Variants in FOXO3 observed in about 807,000 individuals in gnomAD.
The protein encoded by FOXO3 is forkhead box O3.
Under a neutral mutation model 41.9 loss-of-function variants are expected in FOXO3, and 4 were observed. The ratio of observed to expected loss-of-function variants is 0.10; its 90% CI spans 0.05 to 0.22. The LOEUF is 0.22. FOXO3 is among the 10% of genes least tolerant of loss of function. FOXO3 has a pLI of 1.00. For synonymous variants in FOXO3, 318 were observed against 389.3 expected (o/e 0.82, Z 2.16); for missense variants, 534 against 906.8 (o/e 0.59, Z 5.28).
intron 2 of FOXO3, among the ~76,000 whole-genome samples, chr6:108,679,366 C>A (rs545370144): frequency 3.3e-5 from 5 of 152,184 alleles, no homozygotes; most frequent in African/African-American, 1.2e-4. Context: ...TCCACATAGC[C>A]AGTAGGGAAG....
intron 1 of FOXO3, among the ~76,000 whole-genome samples, chr6:108,573,807 G>A (rs1179807376): frequency 2.6e-5 from 4 of 151,604 alleles, no homozygotes; most frequent in African/African-American, 9.7e-5. Context: ...CCAGCCTGGG[G>A]GACAAGAGCA....
At chr6:108,666,734 T>G (rs1011195009) in intron 2 of FOXO3, among the ~76,000 whole-genome samples, 17 of 151,458 alleles carry the variant, frequency 1.1e-4, no homozygotes, top group Admixed American at 6.6e-4. Flanking sequence ...GGGAGGGAAG[T>G]GCCCTGAACT....
At chr6:108,576,208 T>A (rs756861328) in intron 1 of FOXO3, among the ~76,000 whole-genome samples, 1 of 152,246 alleles carries the variant, frequency 6.6e-6, no homozygotes, top group Non-Finnish European at 1.5e-5. Flanking sequence ...AACTGAATTA[T>A]CTAAATCAGT....
intron 1 of FOXO3, among the ~76,000 whole-genome samples, chr6:108,565,353 C>A (rs1302439618): frequency 1.3e-5 from 2 of 152,158 alleles, no homozygotes; most frequent in Non-Finnish European, 2.9e-5. Context: ...TAGAAATGAA[C>A]AATCAGATGT....
intron 1 of FOXO3, among the ~76,000 whole-genome samples, chr6:108,574,095 G>A (rs1023952115): frequency 2.0e-5 from 3 of 150,830 alleles, no homozygotes; most frequent in Non-Finnish European, 2.9e-5. Flanking sequence ...GGAGGTTGCA[G>A]TGAGCTGAGA....
At chr6:108,617,702 G>A (rs1327087879) in intron 1 of FOXO3, among the ~76,000 whole-genome samples, 1 of 152,192 alleles carries the variant, frequency 6.6e-6, no homozygotes, top group Non-Finnish European at 1.5e-5. Flanking sequence ...GGATGAGCAT[G>A]CCACTAATGG....
chr6:108,663,667 C>T lies in FOXO3; in HGVS notation c.834C>T (p.Pro278=), dbSNP rs1225861103. ...AGAAGGCAGCCCTGCAGACAGCCCC[C>T]GAATCAGCTGACGACAGTCCCTCCC... ...AKKKAALQTA[P]ESADDSPSQL... The change falls in exon 2 of 3, where the codon CCC becomes CCT. Residue 278 remains proline (P), a synonymous_variant. Coordinates refer to ENST00000406360, the MANE Select transcript of FOXO3 (RefSeq NM_001455.4). 9 of 1,612,704 alleles carry T rather than the reference C, an allele frequency of 5.6e-6. No individual in the cohort carries two copies. Among genetic ancestry groups the T allele is most frequent in the Admixed American group, 1.7e-5 (1 of 59,880 alleles).
At chr6:108,568,985 A>G (rs568293310) in intron 1 of FOXO3, among the ~76,000 whole-genome samples, 3 of 152,358 alleles carry the variant, frequency 2.0e-5, no homozygotes, top group South Asian at 4.1e-4. Context: ...CGCTATTTGT[A>G]TCATCAACAT....
At chr6:108,658,001 G>C (rs1378568154) in intron 1 of FOXO3, among the ~76,000 whole-genome samples, 1 of 152,176 alleles carries the variant, frequency 6.6e-6, no homozygotes, top group Non-Finnish European at 1.5e-5. Flanking sequence ...TGGGGGAGTT[G>C]GCTCTTACAT....
At chr6:108,678,870 T>TC (rs1770728404) in intron 2 of FOXO3, among the ~76,000 whole-genome samples, 3 of 43,130 alleles carry the variant, frequency 7.0e-5, no homozygotes, top group Non-Finnish European at 1.7e-4. Context: ...TCTTAAATTC[T>TC]TTTTTTTTTT....
In FOXO3 at chr6:108,680,563, A is replaced by G. The variant is rs1318404364; in HGVS notation, c.*771A>G. ...CAGGGTGATCTGTGGACGGGACCCC[A>G]GCACCAAGTCTACGGGTGCCAGATC... On this transcript the variant is annotated 3_prime_UTR_variant, in exon 3 of 3. Coordinates refer to ENST00000406360, the MANE Select transcript of FOXO3 (RefSeq NM_001455.4). The G allele has an allele frequency of 6.6e-6, 1 of 152,434 alleles. No homozygotes were observed. The highest frequency in any genetic ancestry group is 2.4e-5 in the African/African-American group (1 of 41,444). The allele number at this position is 152,434 out of a possible 1,614,324, so 9.4% of individuals were successfully genotyped here.
chr6:108,632,487 C>CT (rs1277378066), intron 1 of FOXO3, among the ~76,000 whole-genome samples: 3 of 152,228 alleles, frequency 2.0e-5, no homozygotes, highest in African/African-American at 7.2e-5. Context: ...AGTAATTTCT[C>CT]TTTCTCCCCT....
At chr6:108,662,420 A>G (rs1321363699) in intron 1 of FOXO3, among the ~76,000 whole-genome samples, 2 of 152,204 alleles carry the variant, frequency 1.3e-5, no homozygotes, top group Middle Eastern at 3.2e-3. Flanking sequence ...GGAAGTTACT[A>G]TGCTCAGCCC....
chr6:108,595,854 C>G (rs1582759329), intron 1 of FOXO3, among the ~76,000 whole-genome samples: 2 of 152,192 alleles, frequency 1.3e-5, no homozygotes, highest in Non-Finnish European at 2.9e-5. Context: ...GCCAATTTAC[C>G]TTGTTAGTGA....
intron 1 of FOXO3, among the ~76,000 whole-genome samples, chr6:108,598,876 G>T (rs770213848): frequency 6.6e-6 from 1 of 152,154 alleles, no homozygotes; most frequent in Non-Finnish European, 1.5e-5. Flanking sequence ...CAGGGCAGGG[G>T]TGTCTGTATA....
chr6:108,603,891 A>T (rs1777119854), intron 1 of FOXO3, among the ~76,000 whole-genome samples: 1 of 151,780 alleles, frequency 6.6e-6, no homozygotes, highest in East Asian at 1.9e-4. Context: ...ACATTAGACA[A>T]TTTTTTTTTA....
chr6:108,647,010 G>A (rs190068600), intron 1 of FOXO3, among the ~76,000 whole-genome samples: 6 of 152,238 alleles, frequency 3.9e-5, no homozygotes, highest in Admixed American at 3.9e-4. Flanking sequence ...TCATCACTAA[G>A]CGTAGTACTG....
intron 1 of FOXO3, 99 bp downstream of exon 1, chr6:108,561,928 G>C: frequency 6.9e-7 from 1 of 1,448,260 alleles, no homozygotes; most frequent in South Asian, 1.5e-5. Flanking sequence ...GGGCTCCAGG[G>C]CAAGGGGTTG....
chr6:108,626,635 A>G (rs1777820808), intron 1 of FOXO3, among the ~76,000 whole-genome samples: 1 of 151,876 alleles, frequency 6.6e-6, no homozygotes, highest in African/African-American at 2.4e-5. Flanking sequence ...TTTAAGTTTA[A>G]GCCCATACCC....
Sources: allele counts gnomAD v4.1 joint callset (sites outside exome capture counted in the v4.1 genomes callset), GRCh38; gene constraint gnomAD v4.1.1; transcripts MANE v1.5; gene names NCBI Gene and HGNC (gene_info 2026-07-23, HGNC 2026-07-21).